UBN2: variants seen among roughly 807,000 people sequenced by gnomAD.
UBN2 encodes the protein ubinuclein-2.
UBN2 carries 35 observed loss-of-function variants against 120.2 expected under a neutral mutation model. The observed-to-expected ratio is 0.29, with a 90% CI of 0.22 to 0.39. The LOEUF (loss-of-function observed/expected upper bound fraction) is 0.39. Among genes scored for constraint, UBN2 ranks in the 10% least tolerant of loss-of-function variants. The probability of loss-of-function intolerance (pLI) is 1.00; values close to 1 mark genes in which losing one functional copy is unlikely to be tolerated. For missense variants in UBN2, 1,693 were observed against 1,663.2 expected (o/e 1.02, Z -0.31); for synonymous variants, 661 against 648.7 (o/e 1.02, Z -0.29).
At chr7:139,248,235 T>G (rs191670853) in intron 2 of UBN2, among the ~76,000 whole-genome samples, 3 of 152,318 alleles carry the variant, frequency 2.0e-5, no homozygotes, top group Admixed American at 1.3e-4. Flanking sequence ...TTTTAAAAAT[T>G]ATTTTAGCAT....
the UBN2 span, among the ~76,000 whole-genome samples, chr7:139,316,815 A>G: frequency 2.0e-5 from 3 of 151,630 alleles, no homozygotes; most frequent in Non-Finnish European, 2.9e-5. Context: ...TTTGTCTCCA[A>G]TTTTTCTGTT....
At chr7:139,235,410 T>A (rs960106534) in intron 1 of UBN2, among the ~76,000 whole-genome samples, 1 of 152,210 alleles carries the variant, frequency 6.6e-6, no homozygotes, top group Non-Finnish European at 1.5e-5. Context: ...TTATTTATTT[T>A]TTTGAGATGA....
the UBN2 span, among the ~76,000 whole-genome samples, chr7:139,324,696 C>T: frequency 6.6e-5 from 10 of 152,062 alleles, no homozygotes; most frequent in Middle Eastern, 3.4e-3. Flanking sequence ...TATGGCCGGG[C>T]GCGGTGGCTC....
intron 12 of UBN2, chr7:139,277,477 G>A (rs1229215611): frequency 6.6e-6 from 1 of 152,152 alleles, no homozygotes; most frequent in African/African-American, 2.4e-5. Context: ...AAAAGAAAAT[G>A]TTAAGAAAAT....
At chr7:139,266,792 G>A (rs956303348) in intron 7 of UBN2, among the ~76,000 whole-genome samples, 11 of 152,174 alleles carry the variant, frequency 7.2e-5, no homozygotes, top group African/African-American at 2.4e-4. Flanking sequence ...TAGTAATTCC[G>A]TTGATATCTA....
intron 2 of UBN2, among the ~76,000 whole-genome samples, chr7:139,239,703 A>G (rs1796263317): frequency 6.6e-6 from 1 of 151,968 alleles, no homozygotes; most frequent in East Asian, 1.9e-4. Flanking sequence ...GACTGCAGGC[A>G]TGCACCACCA....
At chr7:139,254,100 T>A (rs1290092003) in intron 3 of UBN2, among the ~76,000 whole-genome samples, 9 of 152,166 alleles carry the variant, frequency 5.9e-5, no homozygotes, top group Non-Finnish European at 1.0e-4. Context: ...GAGACCATCC[T>A]GGCTAACACA....
At position 139,298,920 on chromosome 7, in the gene UBN2, A is replaced by AT. The variant is rs1798186508; in HGVS notation, c.*1089dup. ...CAAATGGCATGAATATAGTTTTTGA[A>AT]TTTTTAAGATGGTATTTTAAAGGGA... On this transcript the variant is annotated 3_prime_UTR_variant, in exon 18 of 18. Coordinates refer to ENST00000473989, the MANE Select transcript of UBN2 (RefSeq NM_173569.4). 2 of 152,104 alleles carry AT rather than the reference A, an allele frequency of 1.3e-5. No individual in the cohort carries two copies. Among genetic ancestry groups the AT allele is most frequent in the African/African-American group, 4.8e-5 (2 of 41,432 alleles). 9.4% of individuals were successfully genotyped at this position (152,104 alleles called of 1,614,324 possible). A position where few individuals can be genotyped will look rare whatever the true frequency, so the allele number is the denominator to read the frequency against.
In UBN2 at chr7:139,273,369, C is replaced by T. The variant is rs1797345605; in HGVS notation, c.1788C>T (p.Val596=). The change falls in exon 10 of 18, where the codon GTC becomes GTT. Residue 596 remains valine (V), a synonymous_variant. Transcript: ENST00000473989. ...EDDDEKPGKR[V]IGPRKKFHWD... Reference sequence around the variant, plus strand: ...ATGATGAGAAACCAGGAAAACGTGTCATAGGACCAAGAAAGAAATTCCACT... The same window carrying T: ...ATGATGAGAAACCAGGAAAACGTGTTATAGGACCAAGAAAGAAATTCCACT... 3 of 1,607,998 alleles carry T rather than the reference C, an allele frequency of 1.9e-6. No individual in the cohort carries two copies. Among genetic ancestry groups the T allele is most frequent in the South Asian group, 1.1e-5 (1 of 89,888 alleles).
the UBN2 span, among the ~76,000 whole-genome samples, chr7:139,330,102 G>T: frequency 6.6e-6 from 1 of 152,114 alleles, no homozygotes; most frequent in Non-Finnish European, 1.5e-5. Context: ...GAGTTTTCTT[G>T]TAGTGAAGCC....
At chr7:139,311,262 T>G (rs986480860), downstream of UBN2, among the ~76,000 whole-genome samples, 10 of 152,196 alleles carry the variant, frequency 6.6e-5, no homozygotes, top group African/African-American at 2.4e-4. Flanking sequence ...GTGTCATGGG[T>G]GTCCGTTCTT....
intron 6 of UBN2, among the ~76,000 whole-genome samples, chr7:139,262,662 C>T (rs1383471872): frequency 3.4e-5 from 5 of 147,776 alleles, no homozygotes; most frequent in African/African-American, 1.0e-4. Context: ...TACAGTGAGC[C>T]GAGATTGCGC....
intron 2 of UBN2, among the ~76,000 whole-genome samples, chr7:139,244,633 C>T (rs1213810227): frequency 1.3e-5 from 2 of 152,156 alleles, no homozygotes; most frequent in African/African-American, 2.4e-5. Flanking sequence ...CCTTCTCTGT[C>T]GTAATGACCA....
intron 11 of UBN2, among the ~76,000 whole-genome samples, chr7:139,275,310 A>G (rs1007961469): frequency 7.3e-6 from 1 of 137,000 alleles, no homozygotes; most frequent in Non-Finnish European, 1.6e-5. Flanking sequence ...GTCGCTGGGC[A>G]CGGTGGCTCA....
Position 139,300,270 on chromosome 7 carries a change from G to T in UBN2, c.*2434G>T. On this transcript the variant is annotated 3_prime_UTR_variant, in exon 18 of 18. Coordinates refer to ENST00000473989, the MANE Select transcript of UBN2 (RefSeq NM_173569.4). ...AGATCCCTACCTTAAACCCCCACCT[G>T]CACTGACGACTTACATTCATTTCAG... 6.6e-6 allele frequency: 1 copy of T among 151,956 alleles called. No homozygotes were observed. Among genetic ancestry groups the T allele is most frequent in the Non-Finnish European group, 1.5e-5 (1 of 67,996 alleles). The allele number at this position is 151,956 out of a possible 1,614,324, so 9.4% of individuals were successfully genotyped here.
chr7:139,257,067 G>A (rs946405199), intron 3 of UBN2, among the ~76,000 whole-genome samples: 4 of 152,214 alleles, frequency 2.6e-5, no homozygotes, highest in African/African-American at 9.6e-5. Context: ...AACCTCGGAA[G>A]TAGAGGTCTA....
intron 15 of UBN2, among the ~76,000 whole-genome samples, chr7:139,285,560 G>A (rs932631621): frequency 2.6e-5 from 4 of 151,942 alleles, no homozygotes; most frequent in East Asian, 3.8e-4. Context: ...TTTTTGTTCC[G>A]TTATCATTAA....
rs187230860 is a variant in UBN2 at position 139,307,002 on chromosome 7, C to T, written c.*9166C>T. The stretch of plus-strand genomic sequence containing the variant: ...TTTTAGTCTGGGTAAACACATACTT[C>T]GGTGTGAATTTTGATAAGGGAAAGA... On this transcript the variant is annotated 3_prime_UTR_variant, in exon 18 of 18. Coordinates refer to ENST00000473989, the MANE Select transcript of UBN2 (RefSeq NM_173569.4). The T allele has an allele frequency of 3.3e-5, 5 of 152,240 alleles. No homozygotes were observed. Among genetic ancestry groups the T allele is most frequent in the South Asian group, 2.1e-4 (1 of 4,818 alleles). 9.4% of individuals were successfully genotyped at this position (152,240 alleles called of 1,614,324 possible). A position where few individuals can be genotyped will look rare whatever the true frequency, so the allele number is the denominator to read the frequency against.
chr7:139,257,437 C>CT (rs1412025259), intron 3 of UBN2, among the ~76,000 whole-genome samples: 10 of 152,146 alleles, frequency 6.6e-5, no homozygotes, highest in African/African-American at 2.2e-4. Flanking sequence ...GAGACAGAGT[C>CT]TCGCTGTGTC....
Sources: gnomAD v4.1 joint callset for allele counts (sites outside exome capture counted in the v4.1 genomes callset) on GRCh38, gnomAD v4.1.1 for gene constraint, MANE v1.5 for transcripts, NCBI Gene and HGNC (gene_info 2026-07-23, HGNC 2026-07-21) for gene names.